Variants in EEFSEC observed in about 807,000 individuals in gnomAD.
The protein encoded by EEFSEC is selenocysteine-specific elongation factor.
In EEFSEC, 43 loss-of-function variants were observed where a neutral mutation model predicts 42.1. The ratio of observed to expected loss-of-function variants is 1.02; its 90% CI spans 0.80 to 1.32. The LOEUF is 1.32. EEFSEC is among the 40% of genes most tolerant of loss of function. EEFSEC has a pLI of 0.00. For synonymous variants in EEFSEC, 354 were observed against 339.1 expected, an observed-to-expected ratio of 1.04 and a Z score of -0.48; for missense variants, 745 against 803.6, an observed-to-expected ratio of 0.93 and a Z score of 0.88.
intron 4 of EEFSEC, among the ~76,000 whole-genome samples, chr3:128,304,160 C>T (rs1160088042): frequency 6.6e-6 from 1 of 151,072 alleles, no homozygotes; most frequent in Non-Finnish European, 1.5e-5. Context: ...GTGTCTGTAG[C>T]TACTGGTGCA....
At chr3:128,343,456 C>A (rs529866711) in intron 5 of EEFSEC, among the ~76,000 whole-genome samples, 1 of 152,110 alleles carries the variant, frequency 6.6e-6, no homozygotes, top group South Asian at 2.1e-4. Context: ...CCCTTAGCTC[C>A]GGGGGGGCCG....
At chr3:128,205,182 G>A (rs1208631049) in intron 1 of EEFSEC, among the ~76,000 whole-genome samples, 1 of 152,172 alleles carries the variant, frequency 6.6e-6, no homozygotes, top group African/African-American at 2.4e-5. Flanking sequence ...ATCATTTATT[G>A]ATTGGTTCAT....
At chr3:128,253,454 G>T (rs2066209041) in intron 2 of EEFSEC, among the ~76,000 whole-genome samples, 1 of 152,188 alleles carries the variant, frequency 6.6e-6, no homozygotes, top group East Asian at 1.9e-4. Context: ...TAGCTTCTCT[G>T]AATATGGTAC....
intron 1 of EEFSEC, among the ~76,000 whole-genome samples, chr3:128,210,113 CA>C (rs1191963578): frequency 6.6e-6 from 1 of 152,162 alleles, no homozygotes; most frequent in Admixed American, 6.5e-5. Flanking sequence ...AAAAGAAGCC[CA>C]GGGGAGAAAT....
chr3:128,382,065 G>A lies in EEFSEC; in HGVS notation c.1600+23692G>A, dbSNP rs904862538. On this transcript the variant is annotated intron_variant, in intron 6 of 6. Coordinates refer to ENST00000254730, the MANE Select transcript of EEFSEC (RefSeq NM_021937.5). ...CACTTCCCAGGTGGCCCCAGGCAAG[G>A]CCCTCTCCTCTCTGAGTCTCCTGCT... 6.6e-5 allele frequency among the ~76,000 whole-genome samples: 10 copies of A among 152,178 alleles called. No individual in the cohort carries two copies. In the East Asian group the frequency reaches 1.3e-3, roughly 20 times the overall value.
chr3:128,306,417 T>G (rs2108012244), intron 4 of EEFSEC, among the ~76,000 whole-genome samples: 1 of 152,342 alleles, frequency 6.6e-6, no homozygotes, highest in African/African-American at 2.4e-5. Flanking sequence ...AAGCCCTTCA[T>G]TAACCATTAG....
chr3:128,247,146 C>T (rs902583492), intron 2 of EEFSEC, 103 bp downstream of exon 2: 8 of 1,208,430 alleles, frequency 6.6e-6, no homozygotes, highest in South Asian at 2.7e-5. Context: ...GTCAGCCTCC[C>T]GTCCTAGTAA....
chr3:128,260,256 C>T (rs878941201), intron 2 of EEFSEC, among the ~76,000 whole-genome samples: 10 of 152,144 alleles, frequency 6.6e-5, no homozygotes, highest in South Asian at 4.1e-4. Context: ...TGAGTTCAGT[C>T]GCTTCTTTCT....
At position 128,300,839 on chromosome 3, in the gene EEFSEC, G is replaced by A. The variant is rs148135587; in HGVS notation, c.786+36058G>A. On this transcript the variant is annotated intron_variant, in intron 4 of 6. Transcript: ENST00000254730. ...ATTTACTCTTCCAGATAATTCCTGT[G>A]CATGTATAAGCATAAATAGATACTT... is the stretch of plus-strand genomic sequence containing the variant. Among the ~76,000 whole-genome samples, 300 of 152,138 alleles carry A rather than the reference G, an allele frequency of 2.0e-3. 2 individuals are homozygous for A. Among genetic ancestry groups the A allele is most frequent in the Middle Eastern group, 3.4e-3 (1 of 294 alleles).
At chr3:128,257,842 C>T (rs548971948) in intron 2 of EEFSEC, among the ~76,000 whole-genome samples, 30 of 152,260 alleles carry the variant, frequency 2.0e-4, no homozygotes, top group Non-Finnish European at 2.2e-4. Context: ...CTGTCCCCCC[C>T]CAGCATGGAG....
intron 4 of EEFSEC, among the ~76,000 whole-genome samples, chr3:128,295,843 T>G (rs530789868): frequency 1.5e-4 from 23 of 152,168 alleles, no homozygotes; most frequent in Non-Finnish European, 3.1e-4. Context: ...CTCAGCCCAT[T>G]CATCCTCCTG....
intron 1 of EEFSEC, among the ~76,000 whole-genome samples, chr3:128,177,880 C>T (rs981763335): frequency 6.6e-5 from 10 of 152,194 alleles, no homozygotes; most frequent in Middle Eastern, 3.4e-3. Context: ...CAGGAGATGA[C>T]GTGTGGCACA....
intron 1 of EEFSEC, among the ~76,000 whole-genome samples, chr3:128,197,364 G>A (rs568245388): frequency 2.0e-5 from 3 of 152,094 alleles, no homozygotes; most frequent in South Asian, 2.1e-4. Context: ...TCTGCTTTCC[G>A]GGTTCCAGCA....
chr3:128,329,222 T>C (rs2067098464), intron 4 of EEFSEC, among the ~76,000 whole-genome samples: 1 of 152,182 alleles, frequency 6.6e-6, no homozygotes, highest in Non-Finnish European at 1.5e-5. Flanking sequence ...TTGCTGGTCA[T>C]ACCCTTGTCT....
At chr3:128,189,893 C>T (rs1033867150) in intron 1 of EEFSEC, among the ~76,000 whole-genome samples, 1 of 152,028 alleles carries the variant, frequency 6.6e-6, no homozygotes, top group Non-Finnish European at 1.5e-5. Context: ...GATGGAGTCT[C>T]GCTCTGTTGC....
intron 1 of EEFSEC, among the ~76,000 whole-genome samples, chr3:128,242,748 C>T (rs1440094916): frequency 6.6e-6 from 1 of 152,044 alleles, no homozygotes; most frequent in East Asian, 1.9e-4. Context: ...GAAACTTTAA[C>T]CCTATTATAA....
chr3:128,234,456 C>T (rs2065988314), intron 1 of EEFSEC, among the ~76,000 whole-genome samples: 1 of 152,162 alleles, frequency 6.6e-6, no homozygotes. Context: ...ACCCTTGAGT[C>T]ATCTTTGTGA....
At chr3:128,309,931 C>T (rs910369906) in intron 4 of EEFSEC, among the ~76,000 whole-genome samples, 4 of 152,220 alleles carry the variant, frequency 2.6e-5, no homozygotes, top group South Asian at 2.1e-4. Flanking sequence ...CAAATGTCAG[C>T]TTTTCCTAGC....
intron 4 of EEFSEC, among the ~76,000 whole-genome samples, chr3:128,313,051 T>G (rs2066907341): frequency 1.3e-5 from 2 of 152,200 alleles, no homozygotes; most frequent in Admixed American, 1.3e-4. Flanking sequence ...CCCTTGTCTG[T>G]AAGTTATTTC....
Sources: allele counts gnomAD v4.1 joint callset (sites outside exome capture counted in the v4.1 genomes callset), GRCh38; gene constraint gnomAD v4.1.1; transcripts MANE v1.5; gene names NCBI Gene and HGNC (gene_info 2026-07-23, HGNC 2026-07-21).